Variants in NDST3 observed in about 807,000 individuals in gnomAD.
The protein encoded by NDST3 is bifunctional heparan sulfate N-deacetylase/N-sulfotransferase 3.
NDST3 carries 58 observed loss-of-function variants against 96.1 expected under a neutral mutation model. The ratio of observed to expected loss-of-function variants is 0.60; its 90% CI spans 0.49 to 0.75. The LOEUF (loss-of-function observed/expected upper bound fraction) is 0.75, where lower values mean the gene tolerates loss of function less well. NDST3 is among the 30% of genes least tolerant of loss of function. The probability of loss-of-function intolerance (pLI) is 0.00; values close to 1 mark genes in which losing one functional copy is unlikely to be tolerated. For missense variants in NDST3, 788 were observed against 1,034.2 expected, an observed-to-expected ratio of 0.76 and a Z score of 3.27; for synonymous variants, 333 against 359.7, an observed-to-expected ratio of 0.93 and a Z score of 0.84.
chr4:118,205,279 A>C (rs1738360316), intron 6 of NDST3, among the ~76,000 whole-genome samples: 1 of 144,544 alleles, frequency 6.9e-6, no homozygotes. Flanking sequence ...AAGAATATAC[A>C]CAATATTTAT....
At chr4:118,104,384 G>C (rs1214246222) in intron 2 of NDST3, among the ~76,000 whole-genome samples, 1 of 151,912 alleles carries the variant, frequency 6.6e-6, no homozygotes. Context: ...AGAAAGAAAA[G>C]TACATTAAAT....
intron 1 of NDST3, among the ~76,000 whole-genome samples, chr4:118,046,960 C>T (rs925175334): frequency 6.6e-6 from 1 of 152,172 alleles, no homozygotes; most frequent in Admixed American, 6.5e-5. Context: ...TGTCAGTGAT[C>T]AGAGGGACTC....
At chr4:118,242,750 G>T (rs1741085825) in intron 12 of NDST3, among the ~76,000 whole-genome samples, 2 of 152,090 alleles carry the variant, frequency 1.3e-5, no homozygotes, top group South Asian at 4.1e-4. Context: ...TGTTTGTATG[G>T]TTTTTTGCTG....
intron 8 of NDST3, among the ~76,000 whole-genome samples, chr4:118,232,002 T>C (rs773871536): frequency 1.2e-4 from 19 of 152,188 alleles, no homozygotes; most frequent in Non-Finnish European, 2.2e-4. Context: ...TCTTCCCTAG[T>C]AAATGCAAAT....
intron 1 of NDST3, among the ~76,000 whole-genome samples, chr4:118,044,644 G>C (rs948951110): frequency 2.6e-5 from 4 of 152,172 alleles, no homozygotes; most frequent in Non-Finnish European, 5.9e-5. Context: ...AATCAAGAAA[G>C]TTGTGTGTCT....
intron 2 of NDST3, among the ~76,000 whole-genome samples, chr4:118,089,267 T>C (rs1202669946): frequency 6.6e-6 from 1 of 152,002 alleles, no homozygotes; most frequent in East Asian, 1.9e-4. Flanking sequence ...ATGCAGACAG[T>C]AATGTAGAAC....
At chr4:118,165,334 G>A (rs1305721891) in intron 6 of NDST3, among the ~76,000 whole-genome samples, 1 of 151,592 alleles carries the variant, frequency 6.6e-6, no homozygotes, top group Non-Finnish European at 1.5e-5. Context: ...AAAAAAGAAG[G>A]ACATAATCTA....
chr4:118,222,060 T>C (rs1398151883), intron 6 of NDST3, among the ~76,000 whole-genome samples: 2 of 151,890 alleles, frequency 1.3e-5, no homozygotes, highest in Non-Finnish European at 2.9e-5. Flanking sequence ...GTATCATCTT[T>C]AGGAAAAGAC....
chr4:118,103,654 G>A (rs1017677784), intron 2 of NDST3, among the ~76,000 whole-genome samples: 4 of 151,834 alleles, frequency 2.6e-5, no homozygotes, highest in Admixed American at 6.6e-5. Flanking sequence ...CATCCAAACC[G>A]TGCCCCACCT....
intron 2 of NDST3, among the ~76,000 whole-genome samples, chr4:118,100,162 A>G (rs1259803964): frequency 1.3e-5 from 2 of 152,174 alleles, no homozygotes; most frequent in South Asian, 2.1e-4. Context: ...GCCCTCCCCA[A>G]TGTAGGGGGC....
intron 3 of NDST3, among the ~76,000 whole-genome samples, chr4:118,108,615 A>C (rs1368511158): frequency 6.6e-6 from 1 of 152,178 alleles, no homozygotes; most frequent in African/African-American, 2.4e-5. Context: ...TTTAGATAGA[A>C]GCATACTGTA....
chr4:118,143,413 G>T, intron 5 of NDST3, 143 bp from the exon 6 acceptor site: 2 of 722,096 alleles, frequency 2.8e-6, no homozygotes. Context: ...CCCTTGCCTA[G>T]AGTATGATAG....
intron 6 of NDST3, among the ~76,000 whole-genome samples, chr4:118,150,849 A>G (rs1734341510): frequency 6.6e-6 from 1 of 152,106 alleles, no homozygotes; most frequent in Non-Finnish European, 1.5e-5. Flanking sequence ...AGGATCTAGA[A>G]GTAGAAATAC....
chr4:118,056,328 T>C (rs1166133540), intron 2 of NDST3, among the ~76,000 whole-genome samples: 1 of 151,912 alleles, frequency 6.6e-6, no homozygotes, highest in East Asian at 1.9e-4. Context: ...AAATACAAAA[T>C]GCCATTTGTG....
intron 7 of NDST3, among the ~76,000 whole-genome samples, chr4:118,226,607 T>G (rs762094910): frequency 9.9e-5 from 15 of 152,126 alleles, no homozygotes; most frequent in Non-Finnish European, 2.1e-4. Context: ...AAAATAGAAC[T>G]GCTAGTAGCC....
chr4:118,066,459 TACATTA>T (rs1362928589), intron 2 of NDST3, among the ~76,000 whole-genome samples: 3 of 8,834 alleles, frequency 3.4e-4, no homozygotes, highest in African/African-American at 5.1e-4. Context: ...ATATTATATA[TACATTA>T]TATATGTTAT....
intron 2 of NDST3, among the ~76,000 whole-genome samples, chr4:118,065,303 C>T (rs1157590938): frequency 1.3e-5 from 2 of 152,098 alleles, no homozygotes; most frequent in Non-Finnish European, 2.9e-5. Flanking sequence ...CATATACATG[C>T]TCAAACAATT....
intron 6 of NDST3, among the ~76,000 whole-genome samples, chr4:118,149,433 A>G (rs2125913648): frequency 6.7e-6 from 1 of 148,744 alleles, no homozygotes; most frequent in East Asian, 2.0e-4. Context: ...TATTTCCTTG[A>G]GCAGTGGTTT....
chr4:118,153,489 G>T (rs775296597), intron 6 of NDST3, among the ~76,000 whole-genome samples: 1 of 152,060 alleles, frequency 6.6e-6, no homozygotes. Flanking sequence ...AATAAAATAC[G>T]CTATATAATA....
Sources: allele counts gnomAD v4.1 joint callset (sites outside exome capture counted in the v4.1 genomes callset), GRCh38; gene constraint gnomAD v4.1.1; transcripts MANE v1.5; gene names NCBI Gene and HGNC (gene_info 2026-07-23, HGNC 2026-07-21).